SWI5: variants seen among roughly 807,000 people sequenced by gnomAD.
SWI5 encodes DNA repair protein SWI5 homolog.
Under a neutral mutation model 17.0 loss-of-function variants are expected in SWI5, and 12 were observed. That is an observed-to-expected ratio of 0.71 (90% CI 0.45 to 1.14). The LOEUF (loss-of-function observed/expected upper bound fraction) is 1.14. Ranked by LOEUF, SWI5 falls within the 50% of genes most tolerant of loss-of-function variation. The pLI is 0.00. For synonymous variants in SWI5, 61 were observed against 64.0 expected (o/e 0.95, Z 0.22); for missense variants, 158 against 162.2 (o/e 0.97, Z 0.14).
intron 2 of SWI5, among the ~76,000 whole-genome samples, chr9:128,281,444 G>A (rs529220468): frequency 2.0e-5 from 3 of 151,916 alleles, no homozygotes; most frequent in Admixed American, 2.0e-4. Context: ...TTTCTGCCAA[G>A]CTAAAGCCTG....
chr9:128,278,385 G>C (rs554329013), intron 2 of SWI5, among the ~76,000 whole-genome samples: 1 of 152,222 alleles, frequency 6.6e-6, no homozygotes, highest in East Asian at 1.9e-4. Context: ...TGCCCAACAT[G>C]GTGAAGCCCC....
At chr9:128,287,167 G>A (rs1245109582) in intron 4 of SWI5, among the ~76,000 whole-genome samples, 11 of 146,040 alleles carry the variant, frequency 7.5e-5, no homozygotes, top group East Asian at 2.1e-4. Context: ...AAAAAAGGCC[G>A]GGCTCGCTGG....
chr9:128,276,272 C>T lies in SWI5; in HGVS notation c.-69C>T, dbSNP rs1327795910. Reference sequence around the variant, plus strand: ...TTGGGTGCGCGCGCAGCTTTCTGTGCGCCAGTTCACACTCCGGGTCAGAGT... The same window carrying T: ...TTGGGTGCGCGCGCAGCTTTCTGTGTGCCAGTTCACACTCCGGGTCAGAGT... On this transcript the variant is annotated 5_prime_UTR_variant, in exon 1 of 5. Transcript: ENST00000418976. The T allele has an allele frequency of 4.3e-6, 7 of 1,612,556 alleles. No homozygotes were observed. Among genetic ancestry groups the T allele is most frequent in the Non-Finnish European group, 5.1e-6 (6 of 1,179,474 alleles).
chr9:128,278,973 G>GA (rs1456996650), intron 2 of SWI5, among the ~76,000 whole-genome samples: 4 of 151,960 alleles, frequency 2.6e-5, no homozygotes, highest in Non-Finnish European at 5.9e-5. Flanking sequence ...GTTTTGCCAT[G>GA]TTGGCCAGGC....
At chr9:128,275,950 G>T, upstream of SWI5, 1 of 1,597,014 alleles carries the variant, frequency 6.3e-7, no homozygotes, top group Non-Finnish European at 8.5e-7. Context: ...TCGCGGGGCG[G>T]GGAGGGAGGC....
chr9:128,288,149 G>C (rs1013312355), intron 4 of SWI5, among the ~76,000 whole-genome samples: 3 of 152,272 alleles, frequency 2.0e-5, no homozygotes, highest in African/African-American at 7.2e-5. Context: ...AGGCCTCTGA[G>C]GAGAACCCTT....
chr9:128,276,615 C>G, intron 1 of SWI5, 92 bp from the exon 2 acceptor site: 1 of 1,612,072 alleles, frequency 6.2e-7, no homozygotes, highest in Non-Finnish European at 8.5e-7. Context: ...GCTCCTACTT[C>G]CCAACTGCTC....
chr9:128,275,755 C>A (rs891881864), upstream of SWI5: 1 of 594,048 alleles, frequency 1.7e-6, no homozygotes, highest in Admixed American at 3.7e-5. Flanking sequence ...GCTGACAAGA[C>A]TTTGGTGGAG....
exon 5 of SWI5, chr9:128,288,755 GA>G (rs1195955203): frequency 1.2e-6 from 2 of 1,608,088 alleles, no homozygotes; most frequent in Admixed American, 1.7e-5. Flanking sequence ...CCCAGGGACA[GA>G]AGGGTGTGGA....
chr9:128,287,011 C>T (rs1268895619), intron 4 of SWI5, among the ~76,000 whole-genome samples: 1 of 151,856 alleles, frequency 6.6e-6, no homozygotes, highest in Admixed American at 6.6e-5. Flanking sequence ...GGCATGGTGG[C>T]ACATGTGTAA....
intron 2 of SWI5, among the ~76,000 whole-genome samples, chr9:128,281,547 TACTTCA>T (rs891771414): frequency 1.6e-4 from 24 of 152,322 alleles, no homozygotes; most frequent in African/African-American, 5.1e-4. Context: ...TAGCACACTG[TACTTCA>T]ACTTCAAAGC....
intron 2 of SWI5, among the ~76,000 whole-genome samples, chr9:128,279,123 G>A (rs1831491326): frequency 6.6e-6 from 1 of 152,076 alleles, no homozygotes; most frequent in Non-Finnish European, 1.5e-5. Flanking sequence ...GGGCCTATTT[G>A]CAGGAGCACC....
chr9:128,284,303 A>G lies in SWI5; in HGVS notation c.112-207A>G, dbSNP rs1367367734. Among the ~76,000 whole-genome samples the G allele has an allele frequency of 2.6e-5, 4 of 151,822 alleles. No homozygotes were observed. The South Asian group carries it at 8.3e-4, about 32-fold the overall frequency. On this transcript the variant is annotated intron_variant, in intron 2 of 4. Transcript: ENST00000418976. ...GACTCCGTCTCAAAAAAAAAAAAAAAAAAAATCCCAGATGATTAAGTTCTA... is the reference window on the plus strand; with the variant it reads ...GACTCCGTCTCAAAAAAAAAAAAAAGAAAAATCCCAGATGATTAAGTTCTA...
In SWI5 at chr9:128,285,929, C is replaced by G; in HGVS notation, c.234-10C>G. 1.2e-6 allele frequency: 2 copies of G among 1,606,016 alleles called. No homozygotes were observed. Among genetic ancestry groups the G allele is most frequent in the Non-Finnish European group, 1.7e-6 (2 of 1,172,630 alleles). On this transcript the variant is annotated splice_polypyrimidine_tract_variant and intron_variant, in intron 3 of 4. Transcript: ENST00000418976. This position sits in a 1 kb window ranked among gnomAD's most constrained non-coding sequence, Gnocchi z 4.8. ...GCTGTCTTTCCCCCTCTCTCCATCG[C>G]TTATCCCAGAGGCTACAGTGTGGAT...
chr9:128,282,600 A>G (rs1328312640), intron 2 of SWI5, among the ~76,000 whole-genome samples: 1 of 152,144 alleles, frequency 6.6e-6, no homozygotes, highest in East Asian at 1.9e-4. Flanking sequence ...CTATGAGAGC[A>G]GTGGGCTGGG....
At chr9:128,281,306 G>C (rs2131418923) in intron 2 of SWI5, among the ~76,000 whole-genome samples, 1 of 152,072 alleles carries the variant, frequency 6.6e-6, no homozygotes, top group South Asian at 2.1e-4. Flanking sequence ...AAAGTGCTGG[G>C]ATTACAGGTG....
chr9:128,283,776 C>G (rs1004252326), intron 2 of SWI5, among the ~76,000 whole-genome samples: 2 of 152,172 alleles, frequency 1.3e-5, no homozygotes, highest in African/African-American at 4.8e-5. Context: ...CACATTCCAG[C>G]CAGCGGGAAG....
At chr9:128,279,048 G>A (rs1399845981) in intron 2 of SWI5, among the ~76,000 whole-genome samples, 1 of 152,152 alleles carries the variant, frequency 6.6e-6, no homozygotes, top group African/African-American at 2.4e-5. Flanking sequence ...GGGATTACAG[G>A]CATGAGCCAC....
chr9:128,279,323 G>A (rs947341792), intron 2 of SWI5, among the ~76,000 whole-genome samples: 9 of 152,150 alleles, frequency 5.9e-5, no homozygotes, highest in African/African-American at 1.9e-4. Context: ...AGAGAAAACC[G>A]CTGGGCCCAG....
Sources: gnomAD v4.1 joint callset for allele counts (sites outside exome capture counted in the v4.1 genomes callset) on GRCh38, gnomAD v4.1.1 for gene constraint, Gnocchi (gnomAD v3.1) non-coding constraint, MANE v1.5 for transcripts, NCBI Gene and HGNC (gene_info 2026-07-23, HGNC 2026-07-21) for gene names.